Variants in FRYL observed in about 807,000 individuals in gnomAD.
FRYL encodes the protein protein furry homolog-like.
In FRYL, 150 loss-of-function variants were observed where a neutral mutation model predicts 351.2. The ratio of observed to expected loss-of-function variants is 0.43; its 90% CI spans 0.37 to 0.49. FRYL has a LOEUF of 0.49. FRYL is among the 20% of genes least tolerant of loss of function. The pLI is 0.00. For missense variants in FRYL, 3,036 were observed against 3,619.3 expected (o/e 0.84, Z 4.13); for synonymous variants, 1,153 against 1,257.1 (o/e 0.92, Z 1.75).
chr4:48,712,413 T>G (rs531350696), intron 1 of FRYL, among the ~76,000 whole-genome samples: 1 of 152,022 alleles, frequency 6.6e-6, no homozygotes, highest in Non-Finnish European at 1.5e-5. Context: ...GAGAACTACA[T>G]GAAGAATGCA....
intron 3 of FRYL, among the ~76,000 whole-genome samples, 158 bp from the exon 4 acceptor site, chr4:48,634,648 A>G (rs1442817142): frequency 6.6e-6 from 1 of 152,136 alleles, no homozygotes; most frequent in African/African-American, 2.4e-5. Flanking sequence ...ACATACTAAC[A>G]TATTTATAAT....
chr4:48,729,382 G>C (rs534811749), intron 1 of FRYL, among the ~76,000 whole-genome samples: 2 of 152,374 alleles, frequency 1.3e-5, no homozygotes, highest in South Asian at 4.1e-4. Context: ...GAAGAGAGCA[G>C]CTGTTCTCCC....
intron 33 of FRYL, among the ~76,000 whole-genome samples, chr4:48,561,028 C>T (rs529322842): frequency 6.6e-6 from 1 of 152,136 alleles, no homozygotes; most frequent in Non-Finnish European, 1.5e-5. Flanking sequence ...GAGTTTTGCT[C>T]GAGGCACTGT....
intron 1 of FRYL, among the ~76,000 whole-genome samples, chr4:48,766,816 C>T (rs1318595878): frequency 6.6e-6 from 1 of 151,730 alleles, no homozygotes; most frequent in South Asian, 2.1e-4. Context: ...CCTTTAAATA[C>T]CAGTTTTCAA....
intron 32 of FRYL, among the ~76,000 whole-genome samples, chr4:48,562,172 C>T (rs538057092): frequency 6.2e-4 from 94 of 152,044 alleles, no homozygotes; most frequent in Non-Finnish European, 1.2e-3. Flanking sequence ...CCACTTTTCT[C>T]GCACAAAAAT....
intron 4 of FRYL, among the ~76,000 whole-genome samples, chr4:48,624,964 T>C (rs73817828): frequency 4.1e-4 from 62 of 152,288 alleles, no homozygotes; most frequent in African/African-American, 1.4e-3. Context: ...TCGGTTCTTC[T>C]TGGGTTTCGA....
At chr4:48,638,884 C>CTCA (rs1306442693) in intron 3 of FRYL, among the ~76,000 whole-genome samples, 1 of 152,018 alleles carries the variant, frequency 6.6e-6, no homozygotes, top group Non-Finnish European at 1.5e-5. Flanking sequence ...CATATTCTCA[C>CTCA]TCATAAGTGG....
intron 7 of FRYL, among the ~76,000 whole-genome samples, chr4:48,614,927 T>C (rs1461302882): frequency 1.4e-5 from 2 of 145,504 alleles, no homozygotes; most frequent in African/African-American, 2.5e-5. Flanking sequence ...CCCAGGTTCA[T>C]ACCATTCTCC....
intron 49 of FRYL, among the ~76,000 whole-genome samples, chr4:48,533,368 G>A (rs1324199929): frequency 6.6e-6 from 1 of 151,880 alleles, no homozygotes; most frequent in African/African-American, 2.4e-5. Context: ...TAAGACACAA[G>A]ATAAATAGGG....
intron 1 of FRYL, among the ~76,000 whole-genome samples, chr4:48,724,984 G>A (rs1014174637): frequency 3.3e-5 from 5 of 152,148 alleles, no homozygotes; most frequent in African/African-American, 4.8e-5. Context: ...AGCTTAAAAG[G>A]AGAAGCAATA....
Position 48,549,807 on chromosome 4 carries a change from G to A in FRYL, c.4634-184C>T, listed in dbSNP as rs183727144. On this transcript the variant is annotated intron_variant, in intron 38 of 63. Coordinates refer to ENST00000358350, the MANE Select transcript of FRYL (RefSeq NM_015030.2). The surrounding 1 kb of genome is among the most constrained non-coding windows in gnomAD (Gnocchi z 4.2). Reference sequence around the variant, plus strand: ...TATCAAATTAAGCAAACCAGGGAGAGGGAGAGAGAGAAAGAGATTAATTTA... The same window carrying A: ...TATCAAATTAAGCAAACCAGGGAGAAGGAGAGAGAGAAAGAGATTAATTTA... Among the ~76,000 whole-genome samples, 8 of 152,286 alleles carry A rather than the reference G, an allele frequency of 5.3e-5. No individual in the cohort carries two copies. Among genetic ancestry groups the A allele is most frequent in the Admixed American group, 5.2e-4 (8 of 15,300 alleles).
intron 1 of FRYL, among the ~76,000 whole-genome samples, chr4:48,767,491 A>G (rs781426764): frequency 6.6e-6 from 1 of 152,220 alleles, no homozygotes; most frequent in Non-Finnish European, 1.5e-5. Context: ...CTTAAAAAAG[A>G]ACATCCTGCC....
intron 3 of FRYL, among the ~76,000 whole-genome samples, chr4:48,634,956 T>C (rs1275042680): frequency 6.6e-6 from 1 of 152,160 alleles, no homozygotes; most frequent in Non-Finnish European, 1.5e-5. Context: ...AGTGAAGACC[T>C]CACTGAAGAA....
intron 1 of FRYL, among the ~76,000 whole-genome samples, chr4:48,733,250 G>A (rs1578865263): frequency 6.6e-6 from 1 of 151,536 alleles, no homozygotes; most frequent in Admixed American, 6.6e-5. Context: ...ACTCTAGCCT[G>A]TGTGACAGAG....
rs1038643496 is a variant in FRYL at position 48,595,842 on chromosome 4, GT to G, written c.1139+54del. 35 of 1,257,148 alleles carry G rather than the reference GT, an allele frequency of 2.8e-5. No homozygotes were observed. In the African/African-American group the frequency reaches 4.3e-4, roughly 15 times the overall value. The allele number at this position is 1,257,148 out of a possible 1,614,324, so 77.9% of individuals were successfully genotyped here. A position where few individuals can be genotyped will look rare whatever the true frequency, so the allele number is the denominator to read the frequency against. ...TGTTTACTAAAATTCCCAATAGTGTGTTTTTTTAAAAACAAGAATTTATTTT... is the reference window on the plus strand; with the variant it reads ...TGTTTACTAAAATTCCCAATAGTGTGTTTTTTAAAAACAAGAATTTATTTT... On this transcript the variant is annotated intron_variant, in intron 14 of 63. Transcript: ENST00000358350.
At chr4:48,691,970 A>C (rs1560867359) in intron 2 of FRYL, among the ~76,000 whole-genome samples, 1 of 152,168 alleles carries the variant, frequency 6.6e-6, no homozygotes. Flanking sequence ...GTGCTATTTC[A>C]TGAATGTTGC....
rs151198499 is a variant in FRYL at position 48,747,984 on chromosome 4, G to A, written c.-384+32094C>T. Among the ~76,000 whole-genome samples, 672 of 152,266 alleles carry A rather than the reference G, an allele frequency of 4.4e-3. 8 individuals carry two copies. The highest frequency in any genetic ancestry group is 0.015 in the African/African-American group (606 of 41,564). On this transcript the variant is annotated intron_variant, in intron 1 of 63. Coordinates refer to ENST00000358350, the MANE Select transcript of FRYL (RefSeq NM_015030.2). ...CATCAGGCCAGGCGTGGTGGCTCAC[G>A]CCTGTAATGCCAGCACTCTGGGAGG...
At chr4:48,744,477 C>T (rs1476728478) in intron 1 of FRYL, among the ~76,000 whole-genome samples, 7 of 152,196 alleles carry the variant, frequency 4.6e-5, no homozygotes, top group Non-Finnish European at 1.0e-4. Flanking sequence ...CTGAGTTACA[C>T]AGGGAACCCC....
chr4:48,663,789 A>AAG (rs1761255181), intron 3 of FRYL, among the ~76,000 whole-genome samples: 1 of 140,166 alleles, frequency 7.1e-6, no homozygotes, highest in Non-Finnish European at 1.5e-5. Flanking sequence ...AAAAAAAAAA[A>AAG]AAAAAAAAGA....
Sources: gnomAD v4.1 joint callset for allele counts (sites outside exome capture counted in the v4.1 genomes callset) on GRCh38, gnomAD v4.1.1 for gene constraint, Gnocchi (gnomAD v3.1) non-coding constraint, MANE v1.5 for transcripts, NCBI Gene and HGNC (gene_info 2026-07-23, HGNC 2026-07-21) for gene names.